The following HS6ST3 variants were observed in gnomAD, a reference collection of about 807,000 sequenced individuals.
HS6ST3 encodes heparan sulfate 6-O-sulfotransferase 3, also known as heparan-sulfate 6-O-sulfotransferase 3.
HS6ST3 carries 12 observed loss-of-function variants against 36.7 expected under a neutral mutation model. The observed-to-expected ratio is 0.33, with a 90% CI of 0.21 to 0.53. The LOEUF (loss-of-function observed/expected upper bound fraction) is 0.53. Ranked by LOEUF, HS6ST3 falls within the 20% of genes least tolerant of loss-of-function variation. The probability of loss-of-function intolerance (pLI) is 0.95; values close to 1 mark genes in which losing one functional copy is unlikely to be tolerated. For missense variants in HS6ST3, 584 were observed against 640.9 expected, an observed-to-expected ratio of 0.91 and a Z score of 0.96; for synonymous variants, 240 against 257.5, an observed-to-expected ratio of 0.93 and a Z score of 0.65.
At chr13:96,415,889 A>G (rs2055530555) in intron 1 of HS6ST3, among the ~76,000 whole-genome samples, 1 of 152,250 alleles carries the variant, frequency 6.6e-6, no homozygotes, top group South Asian at 2.1e-4. Flanking sequence ...GTAAAGCACT[A>G]ACAAAATAAG....
At chr13:96,346,535 A>G (rs1306382450) in intron 1 of HS6ST3, among the ~76,000 whole-genome samples, 12 of 151,600 alleles carry the variant, frequency 7.9e-5, no homozygotes, top group African/African-American at 2.9e-4. Context: ...AGATCGCGCC[A>G]CTGCACTGCA....
chr13:96,605,759 C>A (rs2056436456), intron 1 of HS6ST3, among the ~76,000 whole-genome samples: 1 of 151,748 alleles, frequency 6.6e-6, no homozygotes, highest in African/African-American at 2.4e-5. Context: ...GTTTGGTGAG[C>A]TTGTTTACAG....
chr13:96,581,573 T>G (rs2056342263), intron 1 of HS6ST3, among the ~76,000 whole-genome samples: 1 of 152,062 alleles, frequency 6.6e-6, no homozygotes, highest in Non-Finnish European at 1.5e-5. Flanking sequence ...CCGGAAGAAG[T>G]AGCACCAGAC....
chr13:96,709,666 C>T (rs1426958125), intron 1 of HS6ST3, among the ~76,000 whole-genome samples: 1 of 152,114 alleles, frequency 6.6e-6, no homozygotes, highest in Admixed American at 6.5e-5. Flanking sequence ...AGGCCTCGCA[C>T]CAAGAACCCA....
intron 1 of HS6ST3, among the ~76,000 whole-genome samples, chr13:96,682,698 G>T (rs944997673): frequency 1.3e-5 from 2 of 152,068 alleles, no homozygotes; most frequent in African/African-American, 2.4e-5. Flanking sequence ...CTCATTAAAG[G>T]CCAGTAAGGA....
intron 1 of HS6ST3, among the ~76,000 whole-genome samples, chr13:96,577,608 G>C (rs1323986216): frequency 6.6e-6 from 1 of 151,990 alleles, no homozygotes; most frequent in African/African-American, 2.4e-5. Flanking sequence ...TCTGACAAAG[G>C]GTTAATATAC....
intron 1 of HS6ST3, among the ~76,000 whole-genome samples, chr13:96,689,834 C>T (rs1038800830): frequency 7.0e-6 from 1 of 142,798 alleles, no homozygotes; most frequent in African/African-American, 2.6e-5. Flanking sequence ...GCAGGCACCT[C>T]TTTTTTATTA....
chr13:96,599,694 T>G (rs1050640868), intron 1 of HS6ST3, among the ~76,000 whole-genome samples: 2 of 152,116 alleles, frequency 1.3e-5, no homozygotes, highest in Non-Finnish European at 2.9e-5. Flanking sequence ...GCTTTGCACT[T>G]GTTTCTCTAG....
At chr13:96,165,838 T>C (rs2054157517) in intron 1 of HS6ST3, among the ~76,000 whole-genome samples, 1 of 151,806 alleles carries the variant, frequency 6.6e-6, no homozygotes, top group African/African-American at 2.4e-5. Flanking sequence ...GAAGGGGTGG[T>C]GAATATTGAA....
intron 1 of HS6ST3, among the ~76,000 whole-genome samples, chr13:96,236,175 G>C (rs1199876457): frequency 6.6e-6 from 1 of 152,132 alleles, no homozygotes; most frequent in Non-Finnish European, 1.5e-5. Flanking sequence ...GCTTTTTCTA[G>C]TCATGCTGTT....
At chr13:96,154,624 G>T (rs561983063) in intron 1 of HS6ST3, among the ~76,000 whole-genome samples, 2 of 152,030 alleles carry the variant, frequency 1.3e-5, no homozygotes, top group Non-Finnish European at 2.9e-5. Flanking sequence ...TTTAATAGAT[G>T]AACAGATAAA....
At chr13:96,211,458 T>C (rs924307250) in intron 1 of HS6ST3, among the ~76,000 whole-genome samples, 2 of 152,200 alleles carry the variant, frequency 1.3e-5, no homozygotes, top group Non-Finnish European at 2.9e-5. Context: ...TTCTGGCTTA[T>C]GTAAATAGAT....
At chr13:96,384,458 T>G (rs1448145801) in intron 1 of HS6ST3, among the ~76,000 whole-genome samples, 1 of 152,146 alleles carries the variant, frequency 6.6e-6, no homozygotes, top group Non-Finnish European at 1.5e-5. Context: ...TCCAGGTAGT[T>G]GGAAGTATTG....
intron 1 of HS6ST3, among the ~76,000 whole-genome samples, chr13:96,152,099 G>A (rs1396758008): frequency 2.6e-5 from 4 of 152,114 alleles, no homozygotes; most frequent in Non-Finnish European, 5.9e-5. Context: ...AATAATCTAT[G>A]TTGAAAATAA....
chr13:96,652,717 ATG>A (rs2056611832), intron 1 of HS6ST3, among the ~76,000 whole-genome samples: 1 of 152,056 alleles, frequency 6.6e-6, no homozygotes, highest in Non-Finnish European at 1.5e-5. Context: ...GCAATCTGTA[ATG>A]TGAGTAATGC....
intron 1 of HS6ST3, among the ~76,000 whole-genome samples, chr13:96,538,095 T>C (rs991546937): frequency 6.6e-6 from 1 of 152,224 alleles, no homozygotes; most frequent in Non-Finnish European, 1.5e-5. Flanking sequence ...GCTTACACTG[T>C]GTACTTCCAA....
intron 1 of HS6ST3, among the ~76,000 whole-genome samples, chr13:96,459,045 A>C (rs1416219730): frequency 6.9e-6 from 1 of 144,702 alleles, no homozygotes; most frequent in East Asian, 2.1e-4. Flanking sequence ...TGGAGGTTGC[A>C]GTGAGCCGAG....
intron 1 of HS6ST3, among the ~76,000 whole-genome samples, chr13:96,244,319 G>T (rs534430023): frequency 6.6e-6 from 1 of 152,268 alleles, no homozygotes; most frequent in East Asian, 1.9e-4. Flanking sequence ...CGATCACTTT[G>T]TTCTAATGAC....
intron 1 of HS6ST3, among the ~76,000 whole-genome samples, chr13:96,188,321 G>C (rs953704882): frequency 1.3e-5 from 2 of 152,058 alleles, no homozygotes; most frequent in Admixed American, 1.3e-4. Context: ...CATTGTTTTT[G>C]TTTCAAAATC....
Sources: allele counts gnomAD v4.1 joint callset (sites outside exome capture counted in the v4.1 genomes callset), GRCh38; gene constraint gnomAD v4.1.1; transcripts MANE v1.5; gene names NCBI Gene and HGNC (gene_info 2026-07-23, HGNC 2026-07-21).